Variants in PAFAH1B2 observed in about 807,000 individuals in gnomAD.
PAFAH1B2 encodes the protein platelet activating factor acetylhydrolase 1b catalytic subunit 2.
Under a neutral mutation model 28.0 loss-of-function variants are expected in PAFAH1B2, and 8 were observed. The ratio of observed to expected loss-of-function variants is 0.29; its 90% confidence interval spans 0.17 to 0.52. PAFAH1B2 has a LOEUF of 0.52. Among genes scored for constraint, PAFAH1B2 ranks in the 20% least tolerant of loss-of-function variants. The pLI is 0.97. For synonymous variants in PAFAH1B2, 104 were observed against 103.2 expected, an observed-to-expected ratio of 1.01 and a Z score of -0.05; for missense variants, 190 against 282.6, an observed-to-expected ratio of 0.67 and a Z score of 2.35.
downstream of PAFAH1B2, among the ~76,000 whole-genome samples, chr11:117,174,666 C>G (rs1165479798): frequency 6.6e-6 from 1 of 152,118 alleles, no homozygotes; most frequent in East Asian, 1.9e-4. Flanking sequence ...TTAGTAGAGA[C>G]AGGGTTTCTC....
chr11:117,170,770 G>A lies in PAFAH1B2; in HGVS notation c.*3071G>A. 1 of 1,060,024 alleles carries A rather than the reference G, an allele frequency of 9.4e-7. No homozygotes were observed. Among genetic ancestry groups the A allele is most frequent in the South Asian group, 4.6e-5 (1 of 21,930 alleles). 65.7% of individuals were successfully genotyped at this position (1,060,024 alleles called of 1,614,324 possible). ...CCAACTTTATATTTATTGCAGTGAA[G>A]AAGAAACTAAAAATATATGGAAATG... On this transcript the variant is annotated 3_prime_UTR_variant, in exon 6 of 6. Transcript: ENST00000527958.
At chr11:117,151,584 C>T (rs1329041007) in intron 1 of PAFAH1B2, among the ~76,000 whole-genome samples, 1 of 152,098 alleles carries the variant, frequency 6.6e-6, no homozygotes, top group Admixed American at 6.5e-5. Flanking sequence ...ACCTAGTAAA[C>T]ATTTGTCGAA....
At chr11:117,157,287 AATATATAT>A (rs34197273) in intron 2 of PAFAH1B2, among the ~76,000 whole-genome samples, 1 of 148,768 alleles carries the variant, frequency 6.7e-6, no homozygotes, top group Non-Finnish European at 1.5e-5. Flanking sequence ...TAAATAAATG[AATATATAT>A]ATATATATAG....
chr11:117,147,261 T>A (rs1037601790), intron 1 of PAFAH1B2, among the ~76,000 whole-genome samples: 1 of 152,224 alleles, frequency 6.6e-6, no homozygotes. Flanking sequence ...GGAGCGAAAC[T>A]CTGTCTCAAA....
chr11:117,157,109 C>T (rs1354550947), intron 2 of PAFAH1B2, among the ~76,000 whole-genome samples: 1 of 151,428 alleles, frequency 6.6e-6, no homozygotes, highest in Admixed American at 6.6e-5. Flanking sequence ...GGAAAAAGCA[C>T]CTATTCACTA....
chr11:117,155,275 G>T (rs1262835203), intron 2 of PAFAH1B2, among the ~76,000 whole-genome samples: 3 of 152,136 alleles, frequency 2.0e-5, no homozygotes, highest in Non-Finnish European at 2.9e-5. Context: ...TTTCTTAAGG[G>T]TAGTGTTGAA....
At chr11:117,175,352 A>G (rs2029913792), downstream of PAFAH1B2, 4 of 1,069,602 alleles carry the variant, frequency 3.7e-6, no homozygotes, top group Middle Eastern at 4.1e-4. Flanking sequence ...CCCAGTGGAC[A>G]GACCTCAGAA....
rs1400364908 is a variant in PAFAH1B2, at chr11:117,153,579, CAG to C, written c.81+1052_81+1053del. ...CTAATTTTTGTATTTTTAGTAGAGA[CAG>C]GGTTCTGCCATGTTGGCCAGGCTGG... On this transcript the variant is annotated intron_variant, in intron 2 of 5. Coordinates refer to ENST00000527958, the MANE Select transcript of PAFAH1B2 (RefSeq NM_002572.4). Among the ~76,000 whole-genome samples, 5 of 152,006 alleles carry C rather than the reference CAG, an allele frequency of 3.3e-5. No individual in the cohort carries two copies. In the East Asian group the frequency reaches 9.7e-4, roughly 29 times the overall value.
In PAFAH1B2 at chr11:117,161,197, G is replaced by A. The variant is rs755574909; in HGVS notation, c.224G>A (p.Gly75Glu). The stretch of plus-strand genomic sequence containing the variant: ...CATGCACTGAATTTTGGAATTGGGG[G>A]AGATACAACAAGACATGTTTTGTGG... ...PLHALNFGIG[G>E]DTTRHVLWRL... Residue 75 changes from glycine (G) to glutamate (E), a missense_variant, in exon 4 of 6, where the codon GGA becomes GAA. Gly to Glu is a moderately conservative substitution (Grantham distance 98). Coordinates refer to ENST00000527958, the MANE Select transcript of PAFAH1B2 (RefSeq NM_002572.4). The A allele has an allele frequency of 1.3e-6, 2 of 1,597,352 alleles. No individual in the cohort carries two copies. The highest frequency in any genetic ancestry group is 2.3e-5 in the South Asian group (2 of 87,070).
rs1956604595 is a variant in PAFAH1B2, at chr11:117,169,663, G to A, written c.*1964G>A. Reference sequence around the variant, plus strand: ...TCATTAACAACAGAAAATCCACATGGTGTTTACTAAACTTGTTTACGACAT... The same window carrying A: ...TCATTAACAACAGAAAATCCACATGATGTTTACTAAACTTGTTTACGACAT... On this transcript the variant is annotated 3_prime_UTR_variant, in exon 6 of 6. Coordinates refer to ENST00000527958, the MANE Select transcript of PAFAH1B2 (RefSeq NM_002572.4). The A allele has an allele frequency of 9.5e-7, 1 of 1,052,864 alleles. No individual in the cohort carries two copies. The highest frequency in any genetic ancestry group is 1.1e-6 in the Non-Finnish European group (1 of 870,762). The allele number at this position is 1,052,864 out of a possible 1,614,324, so 65.2% of individuals were successfully genotyped here. A position where few individuals can be genotyped will look rare whatever the true frequency, so the allele number is the denominator to read the frequency against.
At position 117,168,445 on chromosome 11, in the gene PAFAH1B2, C is replaced by CTTTTTTTTTTTTTTTT. The variant is rs1565274998; in HGVS notation, c.*746_*747insTTTTTTTTTTTTTTTT. The CTTTTTTTTTTTTTTTT allele has an allele frequency of 1.7e-5, 6 of 354,332 alleles. No homozygotes were observed. Among genetic ancestry groups the CTTTTTTTTTTTTTTTT allele is most frequent in the Admixed American group, 5.6e-4 (2 of 3,554 alleles). 21.9% of individuals were successfully genotyped at this position (354,332 alleles called of 1,614,324 possible). ...TTCCCCTTCATTCCCCCCGCCACCC[C>CTTTTTTTTTTTTTTTT]GTTTTTTTTTTTTTTTTTTTTTTTT... On this transcript the variant is annotated 3_prime_UTR_variant, in exon 6 of 6. Transcript: ENST00000527958.
At position 117,168,622 on chromosome 11, in the gene PAFAH1B2, T is replaced by G. The variant is rs1956576009; in HGVS notation, c.*923T>G. On this transcript the variant is annotated 3_prime_UTR_variant, in exon 6 of 6. Coordinates refer to ENST00000527958, the MANE Select transcript of PAFAH1B2 (RefSeq NM_002572.4). ...CTGTGCTATAGATTCTGTGTATTGC[T>G]GTTCATATTCGGAGTTCTGGTTTTG... 1 of 1,064,024 alleles carries G rather than the reference T, an allele frequency of 9.4e-7. No individual in the cohort carries two copies. Among genetic ancestry groups the G allele is most frequent in the South Asian group, 4.6e-5 (1 of 21,938 alleles). 65.9% of individuals were successfully genotyped at this position (1,064,024 alleles called of 1,614,324 possible).
rs2735183 is a variant in PAFAH1B2, at chr11:117,144,479, C to T, written c.-8+61C>T. On this transcript the variant is annotated intron_variant, in intron 1 of 5. Coordinates refer to ENST00000527958, the MANE Select transcript of PAFAH1B2 (RefSeq NM_002572.4). Reference sequence around the variant, plus strand: ...TAGAGGCGGGGGTCGGAAGGGGCTGCGAGGTGTTATTGTGAGAGGCCCGCG... The same window carrying T: ...TAGAGGCGGGGGTCGGAAGGGGCTGTGAGGTGTTATTGTGAGAGGCCCGCG... 118,725 of 250,510 alleles carry T rather than the reference C, an allele frequency of 0.47. 32,403 individuals are homozygous for T. Among genetic ancestry groups the T allele is most frequent in the Non-Finnish European group, 0.63 (71,448 of 113,782 alleles). 15.5% of individuals were successfully genotyped at this position (250,510 alleles called of 1,614,324 possible).
chr11:117,169,935 G>T lies in PAFAH1B2; in HGVS notation c.*2236G>T. On this transcript the variant is annotated 3_prime_UTR_variant, in exon 6 of 6. Coordinates refer to ENST00000527958, the MANE Select transcript of PAFAH1B2 (RefSeq NM_002572.4). ...TTGACTGAGGATCAAATATCCCTTT[G>T]TGAGCTGGCCCTCAGCTCCTTTGCT... The T allele has an allele frequency of 9.5e-7, 1 of 1,053,464 alleles. No individual in the cohort carries two copies. The highest frequency in any genetic ancestry group is 1.1e-6 in the Non-Finnish European group (1 of 871,794). The allele number at this position is 1,053,464 out of a possible 1,614,324, so 65.3% of individuals were successfully genotyped here.
chr11:117,175,454 C>T, downstream of PAFAH1B2: 2 of 1,073,590 alleles, frequency 1.9e-6, no homozygotes, highest in Non-Finnish European at 1.1e-6. Flanking sequence ...TTGCTGCCCT[C>T]CCACTCTGTA....
At chr11:117,155,263 G>A (rs1956233782) in intron 2 of PAFAH1B2, among the ~76,000 whole-genome samples, 1 of 152,124 alleles carries the variant, frequency 6.6e-6, no homozygotes, top group Admixed American at 6.6e-5. Flanking sequence ...GGCCTAAAAG[G>A]TTTTCTTAAG....
At chr11:117,165,019 G>GCA (rs1406599028) in intron 5 of PAFAH1B2, among the ~76,000 whole-genome samples, 2 of 140,658 alleles carry the variant, frequency 1.4e-5, no homozygotes, top group African/African-American at 5.2e-5. Context: ...GCAGTGGCAT[G>GCA]ATCTCGGCTC....
At chr11:117,161,104 C>A (rs1362435606) in intron 3 of PAFAH1B2, 41 bp from the exon 4 acceptor site, 1 of 1,269,758 alleles carries the variant, frequency 7.9e-7, no homozygotes, top group African/African-American at 1.5e-5. Flanking sequence ...TAAACTTTCC[C>A]CTAGTTTTAG....
chr11:117,165,888 G>A (rs1483907519), intron 5 of PAFAH1B2, among the ~76,000 whole-genome samples: 1 of 151,162 alleles, frequency 6.6e-6, no homozygotes, highest in Non-Finnish European at 1.5e-5. Context: ...TGCCCAGGCT[G>A]GAGTGCAGTG....
Sources: gnomAD v4.1 joint callset for allele counts (sites outside exome capture counted in the v4.1 genomes callset) on GRCh38, gnomAD v4.1.1 for gene constraint, MANE v1.5 for transcripts, NCBI Gene and HGNC (gene_info 2026-07-23, HGNC 2026-07-21) for gene names.